The following TYW1B variants were observed in gnomAD, a reference collection of about 807,000 sequenced individuals.
The protein encoded by TYW1B is S-adenosyl-L-methionine-dependent tRNA 4-demethylwyosine synthase TYW1B.
A neutral mutation model predicts 86.9 loss-of-function variants in TYW1B; 73 were observed. That is an observed-to-expected ratio of 0.84 (90% CI 0.70 to 1.02). TYW1B has a LOEUF of 1.02. TYW1B is among the 50% of genes least tolerant of loss of function. TYW1B has a pLI of 0.00. For synonymous variants in TYW1B, 248 were observed against 292.8 expected (o/e 0.85, Z 1.56); for missense variants, 637 against 827.4 (o/e 0.77, Z 2.82).
rs184864296 is a variant in TYW1B at position 72,722,800 on chromosome 7, G to A, written c.1192+6022C>T. On this transcript the variant is annotated intron_variant, in intron 9 of 13. Coordinates refer to ENST00000620995, the MANE Select transcript of TYW1B (RefSeq NM_001145440.3). ...TGAACCAGACCCAGGACAGACGGCAGGCGTTCTTTGTCATGGGGTGGGAAC... is the reference window on the plus strand; with the variant it reads ...TGAACCAGACCCAGGACAGACGGCAAGCGTTCTTTGTCATGGGGTGGGAAC... 1.7e-3 allele frequency: 770 copies of A among 447,480 alleles called. 3 individuals carry two copies. The highest frequency in any genetic ancestry group is 0.015 in the African/African-American group (701 of 47,960). The allele number at this position is 447,480 out of a possible 1,614,324, so 27.7% of individuals were successfully genotyped here.
chr7:72,671,711 CT>C (rs1251893548), intron 11 of TYW1B, among the ~76,000 whole-genome samples: 3 of 151,748 alleles, frequency 2.0e-5, no homozygotes, highest in African/African-American at 4.8e-5. Flanking sequence ...GCTTATAGGT[CT>C]TTATTTAATG....
chr7:72,629,618 C>T (rs1334988301), intron 11 of TYW1B, among the ~76,000 whole-genome samples: 1 of 152,130 alleles, frequency 6.6e-6, no homozygotes, highest in Non-Finnish European at 1.5e-5. Context: ...GCAATCATAA[C>T]TCACCACAGC....
chr7:72,738,319 G>A (rs761769008), intron 8 of TYW1B, among the ~76,000 whole-genome samples: 6 of 151,748 alleles, frequency 4.0e-5, no homozygotes, highest in African/African-American at 9.7e-5. Flanking sequence ...TCCTGACCTC[G>A]TGATCCGCCT....
chr7:72,676,826 C>A (rs1399753224), intron 11 of TYW1B, among the ~76,000 whole-genome samples: 1 of 152,048 alleles, frequency 6.6e-6, no homozygotes, highest in Non-Finnish European at 1.5e-5. Flanking sequence ...AGTGTGGTGG[C>A]ATGTGCCTGT....
intron 13 of TYW1B, among the ~76,000 whole-genome samples, chr7:72,576,688 A>C (rs1811030335): frequency 1.3e-5 from 2 of 151,750 alleles, no homozygotes; most frequent in African/African-American, 4.8e-5. Context: ...AATTTTTTGT[A>C]TTTTTAGTAA....
intron 2 of TYW1B, among the ~76,000 whole-genome samples, chr7:72,822,017 G>A (rs1207979395): frequency 6.6e-6 from 1 of 151,654 alleles, no homozygotes; most frequent in African/African-American, 2.4e-5. Context: ...TAGCCGAGGC[G>A]GGTGAATCAC....
At chr7:72,705,858 A>G (rs1369501494) in intron 10 of TYW1B, among the ~76,000 whole-genome samples, 1 of 152,166 alleles carries the variant, frequency 6.6e-6, no homozygotes, top group Non-Finnish European at 1.5e-5. Flanking sequence ...GATGCCATAC[A>G]GAGATCTGCT....
chr7:72,676,354 A>G (rs1813734430), intron 11 of TYW1B, among the ~76,000 whole-genome samples: 1 of 152,222 alleles, frequency 6.6e-6, no homozygotes, highest in East Asian at 1.9e-4. Flanking sequence ...AACAGATGTT[A>G]GCTATTAGAG....
At chr7:72,660,113 C>T (rs1162011624) in intron 11 of TYW1B, among the ~76,000 whole-genome samples, 4 of 152,128 alleles carry the variant, frequency 2.6e-5, no homozygotes, top group African/African-American at 4.8e-5. Context: ...CTCACACCTA[C>T]AATCCCAGCA....
At chr7:72,826,200 C>T (rs1788925993) in intron 2 of TYW1B, among the ~76,000 whole-genome samples, 1 of 152,192 alleles carries the variant, frequency 6.6e-6, no homozygotes, top group Admixed American at 6.5e-5. Context: ...TCCTGAGCTG[C>T]TTTTGGAACA....
At chr7:72,581,806 C>CA (rs1373459538) in intron 13 of TYW1B, among the ~76,000 whole-genome samples, 1 of 151,708 alleles carries the variant, frequency 6.6e-6, no homozygotes, top group Non-Finnish European at 1.5e-5. Flanking sequence ...GACACTCTGT[C>CA]ACCCAGGCTG....
chr7:72,768,325 C>T (rs1208160828), intron 7 of TYW1B, among the ~76,000 whole-genome samples: 5 of 152,074 alleles, frequency 3.3e-5, no homozygotes, highest in African/African-American at 4.8e-5. Context: ...TCCGCCCCCT[C>T]GGCCACTGAC....
chr7:72,749,041 G>C (rs1357024848), intron 7 of TYW1B, among the ~76,000 whole-genome samples: 1 of 152,052 alleles, frequency 6.6e-6, no homozygotes, highest in African/African-American at 2.4e-5. Flanking sequence ...GAATTCTTCA[G>C]GAAAACCATT....
chr7:72,679,678 T>C (rs1391618255), intron 11 of TYW1B, among the ~76,000 whole-genome samples: 2 of 152,130 alleles, frequency 1.3e-5, no homozygotes, highest in African/African-American at 4.8e-5. Context: ...TACTTTAACA[T>C]GGTAAAAACG....
intron 8 of TYW1B, among the ~76,000 whole-genome samples, chr7:72,735,866 TAA>T (rs35564711): frequency 6.9e-6 from 1 of 144,188 alleles, no homozygotes. Flanking sequence ...CGAGACTGTC[TAA>T]AAAAAAAAAA....
At chr7:72,703,003 TATATATATATATATATATATA>T (rs1814512975) in intron 10 of TYW1B, among the ~76,000 whole-genome samples, 3 of 24,474 alleles carry the variant, frequency 1.2e-4, no homozygotes, top group African/African-American at 4.0e-4. Flanking sequence ...TATATATATA[TATATATATATATATATATATA>T]TATTTTTTTT....
intron 13 of TYW1B, among the ~76,000 whole-genome samples, chr7:72,614,632 TAA>T (rs34879859): frequency 2.2e-4 from 29 of 132,856 alleles, no homozygotes; most frequent in Admixed American, 3.0e-4. Flanking sequence ...GACTCCATCT[TAA>T]AAAAAAAAAA....
chr7:72,583,707 G>GT (rs1218033159), intron 13 of TYW1B, among the ~76,000 whole-genome samples: 1 of 152,220 alleles, frequency 6.6e-6, no homozygotes, highest in Non-Finnish European at 1.5e-5. Flanking sequence ...GAAAGGAGAG[G>GT]ACTGGCAGGC....
intron 10 of TYW1B, among the ~76,000 whole-genome samples, chr7:72,700,464 C>T (rs1276070434): frequency 2.0e-5 from 3 of 152,094 alleles, no homozygotes; most frequent in Admixed American, 6.6e-5. Flanking sequence ...TAAGCCACCA[C>T]GCCTGGACCT....
Sources: gnomAD v4.1 joint callset for allele counts (sites outside exome capture counted in the v4.1 genomes callset) on GRCh38, gnomAD v4.1.1 for gene constraint, MANE v1.5 for transcripts, NCBI Gene and HGNC (gene_info 2026-07-23, HGNC 2026-07-21) for gene names.